Variants in CPED1 observed in about 807,000 individuals in gnomAD.
The protein encoded by CPED1 is cadherin like and PC-esterase domain containing 1.
In CPED1, 114 loss-of-function variants were observed where a neutral mutation model predicts 128.2. The ratio of observed to expected loss-of-function variants is 0.89; its 90% CI spans 0.76 to 1.04. CPED1 has a LOEUF of 1.04. Among genes scored for constraint, CPED1 ranks in the 50% least tolerant of loss-of-function variants. The probability of loss-of-function intolerance (pLI) is 0.00; values close to 1 mark genes in which losing one functional copy is unlikely to be tolerated. For synonymous variants in CPED1, 462 were observed against 426.7 expected (o/e 1.08, Z -1.02); for missense variants, 1,211 against 1,207.1 (o/e 1.00, Z -0.05).
At chr7:121,067,869 G>C (rs1401896026) in intron 5 of CPED1, among the ~76,000 whole-genome samples, 2 of 152,184 alleles carry the variant, frequency 1.3e-5, no homozygotes, top group Non-Finnish European at 2.9e-5. Flanking sequence ...GGCCAGTGAT[G>C]ATGAGCATTT....
rs186256403 is a variant in CPED1 at position 121,114,021 on chromosome 7, G to T, written c.919-10310G>T. Among the ~76,000 whole-genome samples, 5 of 152,004 alleles carry T rather than the reference G, an allele frequency of 3.3e-5. 1 individual carries two copies. The highest frequency in any genetic ancestry group is 1.2e-4 in the African/African-American group (5 of 41,460). On this transcript the variant is annotated intron_variant, in intron 7 of 22. Transcript: ENST00000310396. ...GTTTTTTGTATTTTTTTGTAGAGACGGCCTTTCACCATGTTAGCCAGAATG... is the reference window on the plus strand; with the variant it reads ...GTTTTTTGTATTTTTTTGTAGAGACTGCCTTTCACCATGTTAGCCAGAATG...
At chr7:121,105,127 A>T (rs1794942826) in intron 7 of CPED1, among the ~76,000 whole-genome samples, 2 of 152,038 alleles carry the variant, frequency 1.3e-5, no homozygotes, top group Non-Finnish European at 2.9e-5. Context: ...CAATCAGCAA[A>T]TGTGCACAGA....
chr7:121,103,113 TCTC>T (rs933980533), intron 7 of CPED1, among the ~76,000 whole-genome samples: 26 of 152,292 alleles, frequency 1.7e-4, no homozygotes, highest in African/African-American at 5.8e-4. Flanking sequence ...AAAAAAGAAA[TCTC>T]CTTGTGATCT....
At chr7:121,163,658 CAG>C (rs768348086) in intron 16 of CPED1, among the ~76,000 whole-genome samples, 4 of 152,180 alleles carry the variant, frequency 2.6e-5, no homozygotes, top group Non-Finnish European at 5.9e-5. Flanking sequence ...GCTCACTAGA[CAG>C]AGCAGGATTA....
At position 121,234,625 on chromosome 7, in the gene CPED1, A is replaced by G. The variant is rs1002466420; in HGVS notation, c.2056-2089A>G. Reference sequence around the variant, plus strand: ...ATTCTCCCTAAATAAAAAGTAAAGCATTCTAGATAGAGCTAAAGCCTCCTT... The same window carrying G: ...ATTCTCCCTAAATAAAAAGTAAAGCGTTCTAGATAGAGCTAAAGCCTCCTT... On this transcript the variant is annotated intron_variant, in intron 16 of 22. Coordinates refer to ENST00000310396, the MANE Select transcript of CPED1 (RefSeq NM_024913.5). 1.3e-5 allele frequency among the ~76,000 whole-genome samples: 2 copies of G among 151,688 alleles called. 1 individual carries two copies.
chr7:121,151,299 C>T (rs1403345522), intron 16 of CPED1, among the ~76,000 whole-genome samples: 1 of 152,104 alleles, frequency 6.6e-6, no homozygotes, highest in Non-Finnish European at 1.5e-5. Context: ...GTAAAAATTC[C>T]TATCCTAGTA....
intron 3 of CPED1, among the ~76,000 whole-genome samples, chr7:121,035,172 C>CT (rs986358253): frequency 2.2e-4 from 33 of 152,220 alleles, no homozygotes; most frequent in African/African-American, 7.5e-4. Context: ...GGAAAGGAGA[C>CT]TAGAAGACTG....
chr7:121,049,317 G>A (rs1048425473), intron 4 of CPED1, among the ~76,000 whole-genome samples: 1 of 152,336 alleles, frequency 6.6e-6, no homozygotes, highest in East Asian at 1.9e-4. Context: ...TCCAATGAGA[G>A]CTGCAACCAA....
intron 2 of CPED1, among the ~76,000 whole-genome samples, chr7:120,995,948 C>T (rs763455082): frequency 5.3e-4 from 22 of 41,258 alleles, no homozygotes; most frequent in East Asian, 3.9e-3. Context: ...TCCTTCTTCT[C>T]CTCCTCCTCC....
chr7:121,140,336 G>T (rs1426123285), intron 14 of CPED1, among the ~76,000 whole-genome samples: 1 of 151,928 alleles, frequency 6.6e-6, no homozygotes, highest in South Asian at 2.1e-4. Flanking sequence ...GCTGGAGTTT[G>T]CAGTCTTTGC....
chr7:121,124,041 A>G (rs1795446009), intron 7 of CPED1, among the ~76,000 whole-genome samples: 1 of 152,172 alleles, frequency 6.6e-6, no homozygotes, highest in Non-Finnish European at 1.5e-5. Context: ...TACAAATGAA[A>G]CTTTGGAGTT....
chr7:121,240,851 C>T (rs371786126), intron 17 of CPED1, among the ~76,000 whole-genome samples: 5 of 150,912 alleles, frequency 3.3e-5, no homozygotes, highest in African/African-American at 9.7e-5. Flanking sequence ...TGATGCTACA[C>T]AGCCACTCAA....
rs777068089 is a variant in CPED1 at position 121,097,682 on chromosome 7, C to T, written c.617-17C>T. On this transcript the variant is annotated splice_polypyrimidine_tract_variant and intron_variant, in intron 5 of 22. Coordinates refer to ENST00000310396, the MANE Select transcript of CPED1 (RefSeq NM_024913.5). ...AACAATAAAATGACTGTCTTCTGCTCTCTTGAATCTTTTCAGAACTGCAAC... is the reference window on the plus strand; with the variant it reads ...AACAATAAAATGACTGTCTTCTGCTTTCTTGAATCTTTTCAGAACTGCAAC... 1.6e-5 allele frequency: 26 copies of T among 1,612,634 alleles called. No homozygotes were observed. Among genetic ancestry groups the T allele is most frequent in the Non-Finnish European group, 2.0e-5 (23 of 1,179,336 alleles).
intron 4 of CPED1, among the ~76,000 whole-genome samples, chr7:121,047,702 TCTTCTTCTTC>T (rs1563004968): frequency 3.8e-5 from 4 of 106,256 alleles, no homozygotes; most frequent in Admixed American, 9.3e-5. Context: ...TTCTTCTTCT[TCTTCTTCTTC>T]TTCTTTTTTT....
At chr7:121,093,397 T>TATACAC (rs1554433495) in intron 5 of CPED1, among the ~76,000 whole-genome samples, 58 of 145,568 alleles carry the variant, frequency 4.0e-4, no homozygotes, top group African/African-American at 1.1e-3. Context: ...CCTTTTTCTG[T>TATACAC]ACACACACAC....
In CPED1 at chr7:121,171,014, C is replaced by T. The variant is rs138771088; in HGVS notation, c.2055+28873C>T. Reference sequence around the variant, plus strand: ...CCAGTGAGCCAAGATCGAGCCACTGCACTCCAGCCTAAGTGACAGAGCAAG... The same window carrying T: ...CCAGTGAGCCAAGATCGAGCCACTGTACTCCAGCCTAAGTGACAGAGCAAG... On this transcript the variant is annotated intron_variant, in intron 16 of 22. Transcript: ENST00000310396. Among the ~76,000 whole-genome samples the T allele has an allele frequency of 5.3e-3, 806 of 151,920 alleles. 7 individuals carry two copies. Among genetic ancestry groups the T allele is most frequent in the African/African-American group, 0.019 (767 of 41,418 alleles).
At chr7:121,087,430 G>T (rs919286164) in intron 5 of CPED1, among the ~76,000 whole-genome samples, 25 of 152,112 alleles carry the variant, frequency 1.6e-4, no homozygotes, top group African/African-American at 5.8e-4. Flanking sequence ...ATAAAGACTT[G>T]GTTCCCAAAT....
At chr7:121,255,508 A>G (rs965379512) in intron 18 of CPED1, among the ~76,000 whole-genome samples, 9 of 152,058 alleles carry the variant, frequency 5.9e-5, no homozygotes, top group Admixed American at 5.9e-4. Context: ...CTGGAACAAA[A>G]CAGGTATACC....
At chr7:121,260,567 G>C (rs953103676) in intron 18 of CPED1, among the ~76,000 whole-genome samples, 1 of 151,980 alleles carries the variant, frequency 6.6e-6, no homozygotes, top group African/African-American at 2.4e-5. Context: ...TATCACTGTA[G>C]AGCTTTCTAA....
Sources: gnomAD v4.1 joint callset for allele counts (sites outside exome capture counted in the v4.1 genomes callset) on GRCh38, gnomAD v4.1.1 for gene constraint, MANE v1.5 for transcripts, NCBI Gene and HGNC (gene_info 2026-07-23, HGNC 2026-07-21) for gene names.